Variants in LHFPL3 observed in about 807,000 individuals in gnomAD.
LHFPL3 encodes LHFPL tetraspan subfamily member 3.
Under a neutral mutation model 19.3 loss-of-function variants are expected in LHFPL3, and 5 were observed. The ratio of observed to expected loss-of-function variants is 0.26; its 90% CI spans 0.14 to 0.54. The LOEUF (loss-of-function observed/expected upper bound fraction) is 0.54, where lower values mean the gene tolerates loss of function less well. LHFPL3 is among the 20% of genes least tolerant of loss of function. LHFPL3 has a pLI of 0.94. For missense variants in LHFPL3, 249 were observed against 307.4 expected (o/e 0.81, Z 1.42); for synonymous variants, 133 against 126.2 (o/e 1.05, Z -0.36).
rs1168309477 is a variant in LHFPL3, at chr7:104,824,869, CTAATAATTATATATATTATA to C, written c.683-81309_683-81290del. Among the ~76,000 whole-genome samples, 306 of 128,994 alleles carry C rather than the reference CTAATAATTATATATATTATA, an allele frequency of 2.4e-3. 11 individuals are homozygous for C. In the Admixed American group the frequency reaches 0.025, roughly 11 times the overall value. The allele number at this position is 128,994 out of a possible 152,430, so 84.6% of individuals were successfully genotyped here. ...ATTATCTAATAATTATATATATTAT[CTAATAATTATATATATTATA>C]TAATAATTGTATATAATATAATAAT... On this transcript the variant is annotated intron_variant, in intron 2 of 2. Transcript: ENST00000424859.
chr7:104,807,669 G>A (rs1012669440), intron 2 of LHFPL3, among the ~76,000 whole-genome samples: 2 of 152,294 alleles, frequency 1.3e-5, no homozygotes, highest in Admixed American at 6.5e-5. Flanking sequence ...TGATGAAGTC[G>A]CAGAAAAGAA....
intron 1 of LHFPL3, among the ~76,000 whole-genome samples, chr7:104,705,361 C>G (rs1319403960): frequency 6.6e-6 from 1 of 152,000 alleles, no homozygotes; most frequent in Non-Finnish European, 1.5e-5. Flanking sequence ...TTTGTTCTAC[C>G]AGGTCTTCCA....
At chr7:104,404,869 C>T (rs1312834294) in intron 1 of LHFPL3, among the ~76,000 whole-genome samples, 2 of 152,130 alleles carry the variant, frequency 1.3e-5, no homozygotes, top group African/African-American at 4.8e-5. Context: ...ATATGATTGT[C>T]CATGTAGGTC....
intron 2 of LHFPL3, among the ~76,000 whole-genome samples, chr7:104,889,514 C>G (rs548458646): frequency 1.1e-3 from 160 of 152,254 alleles, no homozygotes; most frequent in African/African-American, 3.7e-3. Context: ...GTGTCACAAG[C>G]CTGTAGTCCT....
chr7:104,331,009 A>G (rs1801557364), intron 1 of LHFPL3, among the ~76,000 whole-genome samples: 1 of 152,220 alleles, frequency 6.6e-6, no homozygotes, highest in Admixed American at 6.5e-5. Flanking sequence ...AATACTTTGC[A>G]GGTGCTTTCT....
intron 1 of LHFPL3, among the ~76,000 whole-genome samples, chr7:104,717,901 C>T (rs1434083535): frequency 2.6e-5 from 4 of 152,120 alleles, no homozygotes; most frequent in Non-Finnish European, 5.9e-5. Flanking sequence ...GAGAAACCTA[C>T]CTCTCTAAGT....
chr7:104,656,508 T>C (rs1195390760), intron 1 of LHFPL3, among the ~76,000 whole-genome samples: 1 of 152,154 alleles, frequency 6.6e-6, no homozygotes, highest in Non-Finnish European at 1.5e-5. Context: ...GCTGATCAGA[T>C]CTCCCAGCAG....
intron 1 of LHFPL3, among the ~76,000 whole-genome samples, chr7:104,396,162 C>G (rs907608444): frequency 1.2e-4 from 19 of 152,276 alleles, no homozygotes; most frequent in Middle Eastern, 3.4e-3. Flanking sequence ...TTTAGCCACA[C>G]TAAGAGGGAC....
chr7:104,380,755 T>C (rs1344266999), intron 1 of LHFPL3, among the ~76,000 whole-genome samples: 1 of 152,072 alleles, frequency 6.6e-6, no homozygotes, highest in East Asian at 1.9e-4. Context: ...AGAAAGACAT[T>C]CTCAAATTTG....
intron 2 of LHFPL3, among the ~76,000 whole-genome samples, chr7:104,873,313 G>A (rs1791870456): frequency 6.6e-6 from 1 of 152,182 alleles, no homozygotes; most frequent in Non-Finnish European, 1.5e-5. Flanking sequence ...TATGTGTCAA[G>A]TAAACATGTG....
At chr7:104,769,517 G>T (rs1794513025) in intron 2 of LHFPL3, among the ~76,000 whole-genome samples, 1 of 152,118 alleles carries the variant, frequency 6.6e-6, no homozygotes, top group Admixed American at 6.6e-5. Context: ...ATGCAGGTTT[G>T]TTACATAGGT....
rs1235715757 is a variant in LHFPL3 at position 104,457,929 on chromosome 7, G to C, written c.445+128705G>C. Among the ~76,000 whole-genome samples, 4 of 143,736 alleles carry C rather than the reference G, an allele frequency of 2.8e-5. No individual in the cohort carries two copies. The South Asian group carries it at 6.8e-4, about 24-fold the overall frequency. 94.3% of individuals were successfully genotyped at this position (143,736 alleles called of 152,430 possible). Reference sequence around the variant, plus strand: ...AAATGTCTTCTTTTGAGAAGTGTCTGTTCATATCCTTCACCCACTTTTTGA... The same window carrying C: ...AAATGTCTTCTTTTGAGAAGTGTCTCTTCATATCCTTCACCCACTTTTTGA... On this transcript the variant is annotated intron_variant, in intron 1 of 2. Coordinates refer to ENST00000424859, the MANE Select transcript of LHFPL3 (RefSeq NM_199000.3).
In LHFPL3 at chr7:104,435,361, C is replaced by T. The variant is rs530243988; in HGVS notation, c.445+106137C>T. ...ACACTGGGTCTTGCCAGGCTGCTCT[C>T]GACCTCCTGGCCTCAAGTGATCTCC... On this transcript the variant is annotated intron_variant, in intron 1 of 2. Transcript: ENST00000424859. Among the ~76,000 whole-genome samples, 25 of 152,000 alleles carry T rather than the reference C, an allele frequency of 1.6e-4. 2 individuals are homozygous for T. In the South Asian group the frequency reaches 3.5e-3, roughly 21 times the overall value.
chr7:104,867,181 G>A (rs917935059), intron 2 of LHFPL3, among the ~76,000 whole-genome samples: 2 of 152,132 alleles, frequency 1.3e-5, no homozygotes, highest in African/African-American at 2.4e-5. Context: ...AGAAGCAAGA[G>A]CAAGCACATT....
intron 2 of LHFPL3, among the ~76,000 whole-genome samples, chr7:104,790,351 G>A (rs1040041759): frequency 6.6e-6 from 1 of 152,156 alleles, no homozygotes; most frequent in African/African-American, 2.4e-5. Context: ...GCACCCTGCT[G>A]CTCTCCCATA....
chr7:104,623,876 A>G (rs547444682), intron 1 of LHFPL3, among the ~76,000 whole-genome samples: 32 of 152,266 alleles, frequency 2.1e-4, no homozygotes, highest in African/African-American at 7.7e-4. Context: ...GTGCCACACA[A>G]GCCCCACACA....
intron 1 of LHFPL3, among the ~76,000 whole-genome samples, chr7:104,656,375 G>C (rs1417903761): frequency 1.3e-5 from 2 of 152,094 alleles, no homozygotes; most frequent in Non-Finnish European, 1.5e-5. Flanking sequence ...ATACAAGCTA[G>C]AGTGGCTCTT....
chr7:104,589,237 T>C (rs1790651527), intron 1 of LHFPL3, among the ~76,000 whole-genome samples: 1 of 152,194 alleles, frequency 6.6e-6, no homozygotes. Flanking sequence ...AGTATGATAT[T>C]GGCTGTGGGT....
At chr7:104,396,874 G>T (rs567036675) in intron 1 of LHFPL3, among the ~76,000 whole-genome samples, 19 of 152,152 alleles carry the variant, frequency 1.2e-4, no homozygotes, top group Non-Finnish European at 2.1e-4. Flanking sequence ...GGAGGCTGAG[G>T]CTGGTGGATC....
Sources: gnomAD v4.1 joint callset for allele counts (sites outside exome capture counted in the v4.1 genomes callset) on GRCh38, gnomAD v4.1.1 for gene constraint, MANE v1.5 for transcripts, NCBI Gene and HGNC (gene_info 2026-07-23, HGNC 2026-07-21) for gene names.